VPS35L: variants seen among roughly 807,000 people sequenced by gnomAD.
VPS35L encodes the protein VPS35 endosomal protein-sorting factor-like.
A neutral mutation model predicts 133.0 loss-of-function variants in VPS35L; 83 were observed. That is an observed-to-expected ratio of 0.62 (90% CI 0.52 to 0.75). The LOEUF is 0.75. VPS35L is among the 30% of genes least tolerant of loss of function. The pLI is 0.00. For missense variants in VPS35L, 1,083 were observed against 1,206.8 expected, an observed-to-expected ratio of 0.90 and a Z score of 1.52; for synonymous variants, 423 against 449.9, an observed-to-expected ratio of 0.94 and a Z score of 0.76.
At chr16:19,685,206 C>G (rs1372696870) in intron 28 of VPS35L, among the ~76,000 whole-genome samples, 1 of 152,224 alleles carries the variant, frequency 6.6e-6, no homozygotes, top group African/African-American at 2.4e-5. Flanking sequence ...AGCATCACCA[C>G]CCTACTCTCG....
intron 14 of VPS35L, chr16:19,617,642 TTTTC>T (rs1432653454): frequency 6.6e-6 from 1 of 152,102 alleles, no homozygotes; most frequent in Non-Finnish European, 1.5e-5. Flanking sequence ...CAGACACATA[TTTTC>T]TTTCTTTTCC....
chr16:19,612,022 T>C (rs1972738750), intron 12 of VPS35L, among the ~76,000 whole-genome samples: 1 of 150,558 alleles, frequency 6.6e-6, no homozygotes, highest in African/African-American at 2.5e-5. Context: ...CGCTCTAACC[T>C]CTGCCTCCAG....
rs1567388699 is a variant in VPS35L at position 19,570,872 on chromosome 16, TATATATATATATATATA to T, written c.285+1282_285+1298del. Among the ~76,000 whole-genome samples the T allele has an allele frequency of 8.3e-4, 77 of 92,356 alleles. 2 individuals are homozygous for T. The highest frequency in any genetic ancestry group is 1.7e-3 in the African/African-American group (31 of 18,504). The allele number at this position is 92,356 out of a possible 152,430, so 60.6% of individuals were successfully genotyped here. On this transcript the variant is annotated intron_variant, in intron 3 of 30. Transcript: ENST00000417362. ...ATATATATATATATATATATATATATATATATATATATATATATTTTTGAGATGAAGTCTCACACTGT... is the reference window on the plus strand; with the variant it reads ...ATATATATATATATATATATATATATTTTTTGAGATGAAGTCTCACACTGT...
chr16:19,619,969 G>T (rs1158590057), intron 14 of VPS35L, among the ~76,000 whole-genome samples: 1 of 152,142 alleles, frequency 6.6e-6, no homozygotes, highest in African/African-American at 2.4e-5. Context: ...GGATGGTAAA[G>T]TTCGGCTGCA....
intron 26 of VPS35L, among the ~76,000 whole-genome samples, chr16:19,658,687 G>T (rs72767596): frequency 0.21 from 30,867 of 148,138 alleles, 3,825 homozygotes; most frequent in Non-Finnish European, 0.28. Flanking sequence ...CTTGAAAGAG[G>T]AAAAAAAAAA....
chr16:19,675,224 T>TA (rs1456332589), intron 27 of VPS35L, among the ~76,000 whole-genome samples: 2 of 151,522 alleles, frequency 1.3e-5, no homozygotes, highest in African/African-American at 4.9e-5. Context: ...GTGCTGGTGT[T>TA]ACAGGTGTGA....
intron 28 of VPS35L, among the ~76,000 whole-genome samples, chr16:19,684,300 A>C (rs1273745114): frequency 6.6e-6 from 1 of 152,098 alleles, no homozygotes; most frequent in East Asian, 1.9e-4. Context: ...TAATTTTTGG[A>C]TTCCAAAAAT....
intron 26 of VPS35L, among the ~76,000 whole-genome samples, chr16:19,666,151 T>C (rs1265948646): frequency 6.6e-6 from 1 of 152,208 alleles, no homozygotes; most frequent in Non-Finnish European, 1.5e-5. Context: ...TTGTTGATTG[T>C]TTCCTTTGCT....
chr16:19,610,046 A>G (rs1972660776), intron 11 of VPS35L, among the ~76,000 whole-genome samples: 1 of 152,194 alleles, frequency 6.6e-6, no homozygotes, highest in South Asian at 2.1e-4. Flanking sequence ...TTAATAAAAT[A>G]AATGTGACCT....
intron 28 of VPS35L, among the ~76,000 whole-genome samples, chr16:19,691,050 C>CACT (rs1471436613): frequency 1.1e-4 from 17 of 152,220 alleles, no homozygotes; most frequent in Non-Finnish European, 2.5e-4. Flanking sequence ...AGCCCTAGCC[C>CACT]AGTGCCTGGC....
At chr16:19,608,870 C>T in intron 10 of VPS35L, 104 bp from the exon 11 acceptor site, 3 of 928,814 alleles carry the variant, frequency 3.2e-6, no homozygotes, top group Non-Finnish European at 3.4e-6. Flanking sequence ...CTGTGGTCCC[C>T]ATCTCCTAAG....
intron 25 of VPS35L, among the ~76,000 whole-genome samples, chr16:19,650,778 TTATAAAA>T: frequency 6.6e-6 from 1 of 152,140 alleles, no homozygotes; most frequent in Non-Finnish European, 1.5e-5. Flanking sequence ...TTTTATAACA[TTATAAAA>T]TATAAAATAG....
At chr16:19,635,954 T>G (rs932614313) in intron 19 of VPS35L, among the ~76,000 whole-genome samples, 2 of 152,174 alleles carry the variant, frequency 1.3e-5, no homozygotes, top group African/African-American at 4.8e-5. Flanking sequence ...GAAGCCAAGA[T>G]GGGCGGATTG....
At chr16:19,650,498 C>A in intron 25 of VPS35L, 39 bp downstream of exon 25, 1 of 1,495,000 alleles carries the variant, frequency 6.7e-7, no homozygotes, top group Non-Finnish European at 9.3e-7. Context: ...CCTCGAACTC[C>A]AGTGGGCTGT....
At chr16:19,628,069 T>C (rs1048780241) in intron 16 of VPS35L, among the ~76,000 whole-genome samples, 1 of 152,176 alleles carries the variant, frequency 6.6e-6, no homozygotes, top group Non-Finnish European at 1.5e-5. Flanking sequence ...GTCTAACATA[T>C]TTAAGAATAT....
At chr16:19,694,935 G>A (rs977525384) in intron 29 of VPS35L, among the ~76,000 whole-genome samples, 4 of 152,044 alleles carry the variant, frequency 2.6e-5, no homozygotes, top group Non-Finnish European at 4.4e-5. Context: ...GAACCCAGGA[G>A]GGGGAGGTTG....
At chr16:19,678,903 G>A (rs1169368132) in intron 27 of VPS35L, among the ~76,000 whole-genome samples, 3 of 152,088 alleles carry the variant, frequency 2.0e-5, no homozygotes, top group Admixed American at 1.3e-4. Context: ...AAAAGCTCAC[G>A]GAAATGGCTC....
At chr16:19,585,673 G>T (rs945584374) in intron 7 of VPS35L, among the ~76,000 whole-genome samples, 1 of 150,564 alleles carries the variant, frequency 6.6e-6, no homozygotes, top group African/African-American at 2.4e-5. Flanking sequence ...CCAAAGTGCT[G>T]GGATTACAGG....
intron 26 of VPS35L, among the ~76,000 whole-genome samples, chr16:19,658,368 A>G (rs2151593719): frequency 6.6e-6 from 1 of 152,222 alleles, no homozygotes; most frequent in Middle Eastern, 3.4e-3. Flanking sequence ...CGTCTCTACT[A>G]AAAATACAAA....
Sources: allele counts gnomAD v4.1 joint callset (sites outside exome capture counted in the v4.1 genomes callset), GRCh38; gene constraint gnomAD v4.1.1; transcripts MANE v1.5; gene names NCBI Gene and HGNC (gene_info 2026-07-23, HGNC 2026-07-21).